RCN2: variants seen among roughly 807,000 people sequenced by gnomAD.
RCN2 encodes the protein reticulocalbin 2.
A neutral mutation model predicts 37.5 loss-of-function variants in RCN2; 23 were observed. The ratio of observed to expected loss-of-function variants is 0.61; its 90% CI spans 0.44 to 0.87. RCN2 has a LOEUF of 0.87. Ranked by LOEUF, RCN2 falls within the 40% of genes least tolerant of loss-of-function variation. The pLI is 0.00. For missense variants in RCN2, 381 were observed against 390.4 expected (o/e 0.98, Z 0.20); for synonymous variants, 140 against 144.6 (o/e 0.97, Z 0.23).
At position 76,935,568 on chromosome 15, in the gene RCN2, C is replaced by T. The variant is rs1199383314; in HGVS notation, c.293C>T (p.Ala98Val). 2.5e-6 allele frequency: 4 copies of T among 1,613,372 alleles called. No homozygotes were observed. In the African/African-American group the frequency reaches 4.0e-5, roughly 16 times the overall value. The change falls in exon 3 of 7, where the codon GCT (alanine) becomes GTT (valine). Residue 98 changes from alanine to valine, a missense_variant. By Grantham distance (64) the Ala-to-Val change is moderately conservative. Coordinates refer to ENST00000394885, the MANE Select transcript of RCN2 (RefSeq NM_002902.3). ...ATTCAGATGTCTTTTAAGCATTATG[C>T]TATGCAAGAAGCAAAACAACAGTTT... ...SWIQMSFKHYAMQEAKQQFVE... is the reference protein window; with the variant it reads ...SWIQMSFKHYVMQEAKQQFVE...
At chr15:76,944,727 C>T (rs1359573828) in intron 4 of RCN2, among the ~76,000 whole-genome samples, 2 of 152,154 alleles carry the variant, frequency 1.3e-5, no homozygotes, top group African/African-American at 4.8e-5. Context: ...TTTTTTATGA[C>T]TGAATAGTAC....
rs2075316500 is a variant in RCN2, at chr15:76,950,554, A to G, written c.*1332A>G. On this transcript the variant is annotated 3_prime_UTR_variant, in exon 7 of 7. Transcript: ENST00000394885. ...CAGGCGCCTGCCACCACACCCGGCT[A>G]ATTTTTTTGTATTTTTAGTAGAGAC... 6.6e-6 allele frequency: 1 copy of G among 151,908 alleles called. No individual in the cohort carries two copies. Among genetic ancestry groups the G allele is most frequent in the East Asian group, 1.9e-4 (1 of 5,166 alleles). The allele number at this position is 151,908 out of a possible 1,614,324, so 9.4% of individuals were successfully genotyped here. A position where few individuals can be genotyped will look rare whatever the true frequency, so the allele number is the denominator to read the frequency against.
chr15:76,931,971 C>T lies in RCN2; in HGVS notation c.130C>T (p.Leu44=). 1.6e-6 allele frequency: 2 copies of T among 1,268,522 alleles called. No homozygotes were observed. The highest frequency in any genetic ancestry group is 2.0e-6 in the Non-Finnish European group (2 of 1,012,042). The allele number at this position is 1,268,522 out of a possible 1,614,324, so 78.6% of individuals were successfully genotyped here. ...ERRSDYDREA[L]LGVQEDVDEY... Reference sequence around the variant, plus strand: ...CCGCAGCGACTACGACCGCGAGGCGCTGCTGGGCGTCCAGGTGAGGCGGCC... The same window carrying T: ...CCGCAGCGACTACGACCGCGAGGCGTTGCTGGGCGTCCAGGTGAGGCGGCC... Residue 44 remains leucine, a synonymous_variant, in exon 1 of 7, where the codon CTG becomes TTG. Transcript: ENST00000394885.
At chr15:76,934,582 C>G (rs986695899) in intron 2 of RCN2, among the ~76,000 whole-genome samples, 2 of 152,216 alleles carry the variant, frequency 1.3e-5, no homozygotes, top group Non-Finnish European at 2.9e-5. Flanking sequence ...AAAATTTACT[C>G]CAGATGTTTT....
At chr15:76,942,515 G>A (rs1171034654) in intron 3 of RCN2, 1 of 152,188 alleles carries the variant, frequency 6.6e-6, no homozygotes, top group African/African-American at 2.4e-5. Context: ...TTAAAAAGGG[G>A]GGTGGATGGG....
intron 3 of RCN2, among the ~76,000 whole-genome samples, chr15:76,940,746 G>A (rs1485224012): frequency 2.6e-5 from 4 of 151,574 alleles, no homozygotes; most frequent in Non-Finnish European, 5.9e-5. Context: ...TTTTTTAGTA[G>A]AGACTGAGTT....
intron 6 of RCN2, 124 bp from the exon 7 acceptor site, chr15:76,948,931 CGTGTAACATTTTTAG>C: frequency 1.3e-6 from 1 of 774,724 alleles, no homozygotes; most frequent in Non-Finnish European, 2.0e-6. Context: ...CTGGTTACAA[CGTGTAACATTTTTAG>C]ATACTTAAAC....
rs2075311600 is a variant in RCN2, at chr15:76,949,788, C to T, written c.*566C>T. ...TATGAAATAGAACTTTATATTTTTGCATATGTATAGATAGTAATTATATTT... is the reference window on the plus strand; with the variant it reads ...TATGAAATAGAACTTTATATTTTTGTATATGTATAGATAGTAATTATATTT... On this transcript the variant is annotated 3_prime_UTR_variant, in exon 7 of 7. Transcript: ENST00000394885. 1 of 152,492 alleles carries T rather than the reference C, an allele frequency of 6.6e-6. No individual in the cohort carries two copies. Among genetic ancestry groups the T allele is most frequent in the Non-Finnish European group, 1.5e-5 (1 of 68,012 alleles). The allele number at this position is 152,492 out of a possible 1,614,324, so 9.4% of individuals were successfully genotyped here. A position where few individuals can be genotyped will look rare whatever the true frequency, so the allele number is the denominator to read the frequency against.
chr15:76,937,347 T>C (rs946583753), intron 3 of RCN2, among the ~76,000 whole-genome samples: 2 of 152,210 alleles, frequency 1.3e-5, no homozygotes, highest in African/African-American at 4.8e-5. Flanking sequence ...TAATTCTATT[T>C]TTAATTTTTT....
Position 76,931,989 on chromosome 15 carries a change from A to G in RCN2, c.144+4A>G, listed in dbSNP as rs1156887098. ...CGAGGCGCTGCTGGGCGTCCAGGTGAGGCGGCCAGGCCGGTGCTGGGAGGG... is the reference window on the plus strand; with the variant it reads ...CGAGGCGCTGCTGGGCGTCCAGGTGGGGCGGCCAGGCCGGTGCTGGGAGGG... On this transcript the variant is annotated splice_donor_region_variant and intron_variant, in intron 1 of 6. Coordinates refer to ENST00000394885, the MANE Select transcript of RCN2 (RefSeq NM_002902.3). 4.0e-6 allele frequency: 5 copies of G among 1,260,278 alleles called. No individual in the cohort carries two copies. The African/African-American group carries it at 7.9e-5, about 20-fold the overall frequency. The allele number at this position is 1,260,278 out of a possible 1,614,324, so 78.1% of individuals were successfully genotyped here. A position where few individuals can be genotyped will look rare whatever the true frequency, so the allele number is the denominator to read the frequency against.
Position 76,943,783 on chromosome 15 carries a change from T to C in RCN2, c.473T>C (p.Phe158Ser), listed in dbSNP as rs1005363107. ...RKLHLKDKKR[F>S]EKANQDSGPG... ...CTTCACTTAAAGGACAAGAAGCGAT[T>C]TGAAAAAGCTAACCAGGATTCAGGT... The change falls in exon 4 of 7, where the codon TTT becomes TCT. Residue 158 changes from phenylalanine (F) to serine (S), a missense_variant. Coordinates refer to ENST00000394885, the MANE Select transcript of RCN2 (RefSeq NM_002902.3). 2 of 1,606,326 alleles carry C rather than the reference T, an allele frequency of 1.2e-6. No individual in the cohort carries two copies. The highest frequency in any genetic ancestry group is 1.3e-5 in the African/African-American group (1 of 74,786).
chr15:76,948,588 C>T (rs771665710), intron 6 of RCN2, 36 bp downstream of exon 6: 12 of 1,477,286 alleles, frequency 8.1e-6, no homozygotes, highest in African/African-American at 1.4e-5. Flanking sequence ...TCTCCACCCC[C>T]TCCCCCCGAA....
chr15:76,941,562 A>G, intron 3 of RCN2: 2 of 788,756 alleles, frequency 2.5e-6, no homozygotes, highest in South Asian at 4.4e-5. Flanking sequence ...CTAGAATACA[A>G]AGTTTTTATA....
rs2075332827 is a variant in RCN2 at position 76,953,582 on chromosome 15, TATATATA to T, written c.*4361_*4367del. The stretch of plus-strand genomic sequence containing the variant: ...ATATATATATATATATATATATATA[TATATATA>T]TATATTTTTTTTTTTTTTTTTTTTT... On this transcript the variant is annotated 3_prime_UTR_variant, in exon 7 of 7. Coordinates refer to ENST00000394885, the MANE Select transcript of RCN2 (RefSeq NM_002902.3). 3 of 21,808 alleles carry T rather than the reference TATATATA, an allele frequency of 1.4e-4. No individual in the cohort carries two copies. Among genetic ancestry groups the T allele is most frequent in the Non-Finnish European group, 2.0e-4 (2 of 10,088 alleles). The allele number at this position is 21,808 out of a possible 1,614,324, so 1.4% of individuals were successfully genotyped here.
At chr15:76,934,220 T>C (rs2075237360) in intron 2 of RCN2, among the ~76,000 whole-genome samples, 5 of 152,210 alleles carry the variant, frequency 3.3e-5, no homozygotes, top group Admixed American at 3.3e-4. Flanking sequence ...CTTGGCTCAC[T>C]ACAGCCTCTG....
intron 4 of RCN2, among the ~76,000 whole-genome samples, chr15:76,945,309 G>C (rs1440878023): frequency 6.6e-6 from 1 of 151,982 alleles, no homozygotes. Context: ...AGTAATATTA[G>C]GATTTCTGTT....
Position 76,935,525 on chromosome 15 carries a change from G to A in RCN2, c.251-1G>A. 1 of 1,607,818 alleles carries A rather than the reference G, an allele frequency of 6.2e-7. No homozygotes were observed. Among genetic ancestry groups the A allele is most frequent in the Non-Finnish European group, 8.5e-7 (1 of 1,176,856 alleles). ...CGTTGTGTTCTGGGAAATTCTCATA[G>A]GTGAACTCAGTTCATGGATTCAGAT... is the stretch of plus-strand genomic sequence containing the variant. On this transcript the variant is annotated splice_acceptor_variant, in intron 2 of 6. Transcript: ENST00000394885. LOFTEE classifies it high-confidence loss of function.
chr15:76,948,145 A>T (rs2075303922), intron 5 of RCN2: 2 of 272,778 alleles, frequency 7.3e-6, no homozygotes, highest in Non-Finnish European at 1.4e-5. Flanking sequence ...AAAACTAGAT[A>T]TCGGAACAAA....
rs1329376820 is a variant in RCN2 at position 76,953,689 on chromosome 15, G to C, written c.*4467G>C. ...GTGGCGCGATCTCGGCTCACTGCAG[G>C]CTCCGCCTCCCGGGTTCACACCATT... On this transcript the variant is annotated 3_prime_UTR_variant, in exon 7 of 7. Transcript: ENST00000394885. 3 of 136,318 alleles carry C rather than the reference G, an allele frequency of 2.2e-5. No individual in the cohort carries two copies. In the Admixed American group the frequency reaches 2.3e-4, roughly 10 times the overall value. The allele number at this position is 136,318 out of a possible 1,614,324, so 8.4% of individuals were successfully genotyped here.
Sources: gnomAD v4.1 joint callset for allele counts (sites outside exome capture counted in the v4.1 genomes callset) on GRCh38, gnomAD v4.1.1 for gene constraint, MANE v1.5 for transcripts, NCBI Gene and HGNC (gene_info 2026-07-23, HGNC 2026-07-21) for gene names.